The following ROM1 variants were observed in gnomAD, a reference collection of about 807,000 sequenced individuals.
ROM1 encodes retinal outer segment membrane protein 1, also known as rod outer segment membrane protein 1.
A neutral mutation model predicts 23.0 loss-of-function variants in ROM1; 17 were observed. The ratio of observed to expected loss-of-function variants is 0.74; its 90% CI spans 0.51 to 1.11. The LOEUF (loss-of-function observed/expected upper bound fraction) is 1.11. Among genes scored for constraint, ROM1 ranks in the 50% least tolerant of loss-of-function variants. The pLI is 0.00. For missense variants in ROM1, 436 were observed against 439.7 expected (o/e 0.99, Z 0.08); for synonymous variants, 200 against 206.5 (o/e 0.97, Z 0.27).
Position 62,613,614 on chromosome 11 carries a change from G to C in ROM1, c.333G>C (p.Gly111=), listed in dbSNP as rs150065017. The change falls in exon 1 of 3, where the codon GGG becomes GGC. Residue 111 remains glycine (G), a synonymous_variant. Transcript: ENST00000278833. Reference sequence around the variant, plus strand: ...TGCTGGTGGCTGGCACGGCTGGTGGGGGGGGGCTCCTGGTCGTCGGCCTCG... The same window carrying C: ...TGCTGGTGGCTGGCACGGCTGGTGGCGGGGGGCTCCTGGTCGTCGGCCTCG... ...GPLLVAGTAG[G]GGLLVVGLGL... is the part of the protein sequence containing the mutation. 4.3e-6 allele frequency: 7 copies of C among 1,612,232 alleles called. No homozygotes were observed. The highest frequency in any genetic ancestry group is 2.2e-5 in the East Asian group (1 of 44,876).
In ROM1 at chr11:62,614,179, C is replaced by T; in HGVS notation, c.591-79C>T. ...AATGTTTTACTATTCTTTTTCCCTT[C>T]TGAACACCTGTGCCCTTCAGTCCCT... On this transcript the variant is annotated intron_variant, in intron 1 of 2. Coordinates refer to ENST00000278833, the MANE Select transcript of ROM1 (RefSeq NM_000327.4). 3.2e-6 allele frequency: 5 copies of T among 1,539,060 alleles called. No homozygotes were observed. The South Asian group carries it at 5.6e-5, about 17-fold the overall frequency.
In ROM1 at chr11:62,613,266, TG is replaced by T; in HGVS notation, c.-13del. On this transcript the variant is annotated 5_prime_UTR_variant, in exon 1 of 3. Coordinates refer to ENST00000278833, the MANE Select transcript of ROM1 (RefSeq NM_000327.4). ...CATCCCTGACACCTCTGCATTCCCT[TG>T]GGCAGAGATGGGAGATGGCGCCGGT... 2 of 1,582,838 alleles carry T rather than the reference TG, an allele frequency of 1.3e-6. No individual in the cohort carries two copies. Among genetic ancestry groups the T allele is most frequent in the South Asian group, 1.1e-5 (1 of 87,354 alleles).
At chr11:62,614,527 ACCT>A (rs1182885996) in intron 2 of ROM1, 23 bp downstream of exon 2, 1 of 1,613,508 alleles carries the variant, frequency 6.2e-7, no homozygotes, top group East Asian at 2.2e-5. Context: ...AGCATCTGAC[ACCT>A]CCTCCCACCC....
Position 62,614,997 on chromosome 11 carries a change from G to C in ROM1, c.*158G>C. 1 of 640,076 alleles carries C rather than the reference G, an allele frequency of 1.6e-6. No homozygotes were observed. Among genetic ancestry groups the C allele is most frequent in the Non-Finnish European group, 2.7e-6 (1 of 367,654 alleles). The allele number at this position is 640,076 out of a possible 1,614,324, so 39.6% of individuals were successfully genotyped here. ...GTAAGAAAGAAAACCAGATGTCCTA[G>C]GGCCTAGCCCTTGTAGTCAGAACCA... On this transcript the variant is annotated 3_prime_UTR_variant, in exon 3 of 3. Coordinates refer to ENST00000278833, the MANE Select transcript of ROM1 (RefSeq NM_000327.4).
At position 62,613,660 on chromosome 11, in the gene ROM1, G is replaced by A. The variant is rs752367945; in HGVS notation, c.379G>A (p.Gly127Arg). 7 of 1,613,938 alleles carry A rather than the reference G, an allele frequency of 4.3e-6. No individual in the cohort carries two copies. The South Asian group carries it at 4.4e-5, about 10-fold the overall frequency. ...CCTCGGGCTAGCCCTGGCTTTGCCT[G>A]GGAGTCTGGATGAGGCGCTGGAGGA... ...VGLGLALALPGSLDEALEEGL... is the reference protein window; with the variant it reads ...VGLGLALALPRSLDEALEEGL... Residue 127 changes from glycine (G) to arginine (R), a missense_variant, in exon 1 of 3, where the codon GGG becomes AGG. Coordinates refer to ENST00000278833, the MANE Select transcript of ROM1 (RefSeq NM_000327.4).
chr11:62,614,509 G>A lies in ROM1; in HGVS notation c.837+5G>A. On this transcript the variant is annotated splice_donor_5th_base_variant and intron_variant, in intron 2 of 2. Transcript: ENST00000278833. ...GCTGTCACCTTCCTACTGCAGGTGA[G>A]TCAGCAAAGCATCTGACACCTCCTC... The A allele has an allele frequency of 1.2e-6, 2 of 1,614,156 alleles. No homozygotes were observed. Among genetic ancestry groups the A allele is most frequent in the East Asian group, 2.2e-5 (1 of 44,880 alleles).
Position 62,613,632 on chromosome 11 carries a change from C to T in ROM1, c.351C>T (p.Val117=), listed in dbSNP as rs769168804. 5 of 1,613,234 alleles carry T rather than the reference C, an allele frequency of 3.1e-6. No homozygotes were observed. The highest frequency in any genetic ancestry group is 2.2e-5 in the East Asian group (1 of 44,816). The change falls in exon 1 of 3, where the codon GTC becomes GTT. Residue 117 remains valine (V), a synonymous_variant. Coordinates refer to ENST00000278833, the MANE Select transcript of ROM1 (RefSeq NM_000327.4). ...CTGGTGGGGGGGGGCTCCTGGTCGT[C>T]GGCCTCGGGCTAGCCCTGGCTTTGC... ...GTAGGGGLLV[V]GLGLALALPG...
intron 2 of ROM1, 33 bp from the exon 3 acceptor site, chr11:62,614,588 C>G: frequency 6.2e-7 from 1 of 1,614,184 alleles, no homozygotes; most frequent in Non-Finnish European, 8.5e-7. Flanking sequence ...ACCGCTGACT[C>G]TCCCTGACTC....
chr11:62,614,093 T>G (rs539309796), intron 1 of ROM1, among the ~76,000 whole-genome samples, 165 bp from the exon 2 acceptor site: 4 of 152,282 alleles, frequency 2.6e-5, no homozygotes, highest in East Asian at 1.9e-4. Flanking sequence ...AGTACTTATC[T>G]GATAGAGTTG....
chr11:62,615,096 CAAT>C lies in ROM1; in HGVS notation c.*260_*262del, dbSNP rs1183945263. The C allele has an allele frequency of 1.9e-6, 1 of 522,274 alleles. No homozygotes were observed. 32.4% of individuals were successfully genotyped at this position (522,274 alleles called of 1,614,324 possible). Reference sequence around the variant, plus strand: ...CTGGAGGCTGATTCTGATATAGACTCAATAAAGTTTTTGGATGGAAGCAATTGC... The same window carrying C: ...CTGGAGGCTGATTCTGATATAGACTCAAAGTTTTTGGATGGAAGCAATTGC... On this transcript the variant is annotated 3_prime_UTR_variant, in exon 3 of 3. Transcript: ENST00000278833.
At position 62,614,978 on chromosome 11, in the gene ROM1, A is replaced by C. The variant is rs1396727301; in HGVS notation, c.*139A>C. 1.6e-5 allele frequency: 11 copies of C among 704,572 alleles called. No homozygotes were observed. Among genetic ancestry groups the C allele is most frequent in the Non-Finnish European group, 2.2e-5 (9 of 416,828 alleles). 43.6% of individuals were successfully genotyped at this position (704,572 alleles called of 1,614,324 possible). The stretch of plus-strand genomic sequence containing the variant: ...GTCAGCGAGCTGGACTGGGGTAAGA[A>C]AGAAAACCAGATGTCCTAGGGCCTA... On this transcript the variant is annotated 3_prime_UTR_variant, in exon 3 of 3. Transcript: ENST00000278833.
rs1452408260 is a variant in ROM1 at position 62,614,925 on chromosome 11, G to T, written c.*86G>T. 6.9e-6 allele frequency: 8 copies of T among 1,162,814 alleles called. No homozygotes were observed. The highest frequency in any genetic ancestry group is 1.3e-5 in the South Asian group (1 of 78,498). 72.0% of individuals were successfully genotyped at this position (1,162,814 alleles called of 1,614,324 possible). On this transcript the variant is annotated 3_prime_UTR_variant, in exon 3 of 3. Transcript: ENST00000278833. ...CCTTACCAAGGCTCCAGGTTGGGGG[G>T]ATCGTAGGATTAGAGGGGCTAAGGA... is the stretch of plus-strand genomic sequence containing the variant.
rs376984372 is a variant in ROM1 at position 62,613,476 on chromosome 11, T to C, written c.195T>C (p.Ala65=). The part of the protein sequence containing the change: ...PSCQFPVLPQ[A]ALAAGAVALG... ...GTCAGTTCCCTGTCCTGCCCCAGGC[T>C]GCCCTGGCAGCGGGCGCGGTGGCTC... Residue 65 remains alanine (A), a synonymous_variant, in exon 1 of 3, where the codon GCT becomes GCC. Coordinates refer to ENST00000278833, the MANE Select transcript of ROM1 (RefSeq NM_000327.4). The C allele has an allele frequency of 3.1e-5, 50 of 1,613,384 alleles. 1 individual carries two copies. The highest frequency in any genetic ancestry group is 8.5e-6 in the Non-Finnish European group (10 of 1,179,692).
In ROM1 at chr11:62,613,287, G is replaced by T. The variant is rs755373446; in HGVS notation, c.6G>T (p.Ala2=). The change falls in exon 1 of 3, where the codon GCG becomes GCT. Residue 2 remains alanine (A), a synonymous_variant. Coordinates refer to ENST00000278833, the MANE Select transcript of ROM1 (RefSeq NM_000327.4). M[A]PVLPLVLPLQ... ...CCCTTGGGCAGAGATGGGAGATGGC[G>T]CCGGTGTTGCCCCTGGTGCTGCCCC... 6.2e-7 allele frequency: 1 copy of T among 1,602,276 alleles called. No individual in the cohort carries two copies.
In ROM1 at chr11:62,613,557, A is replaced by T; in HGVS notation, c.276A>T (p.Leu92=). The change falls in exon 1 of 3, where the codon CTA becomes CTT. Residue 92 remains leucine (L), a synonymous_variant. Transcript: ENST00000278833. ...GASRASLNAA[L]YPPWRGVLGP... Reference sequence around the variant, plus strand: ...GCCGGGCAAGTCTGAATGCAGCTCTATACCCTCCCTGGCGAGGGGTCCTGG... The same window carrying T: ...GCCGGGCAAGTCTGAATGCAGCTCTTTACCCTCCCTGGCGAGGGGTCCTGG... The T allele has an allele frequency of 1.9e-6, 3 of 1,613,722 alleles. No individual in the cohort carries two copies. Among genetic ancestry groups the T allele is most frequent in the Non-Finnish European group, 2.5e-6 (3 of 1,179,842 alleles).
rs765535820 is a variant in ROM1 at position 62,613,535 on chromosome 11, G to A, written c.254G>A (p.Arg85Gln). The stretch of plus-strand genomic sequence containing the variant: ...GGACTAGTGGGTGTAGGAGCCAGCC[G>A]GGCAAGTCTGAATGCAGCTCTATAC... ...GTGLVGVGAS[R>Q]ASLNAALYPP... Residue 85 changes from arginine to glutamine, a missense_variant, in exon 1 of 3, where the codon CGG (arginine) becomes CAG (glutamine). Coordinates refer to ENST00000278833, the MANE Select transcript of ROM1 (RefSeq NM_000327.4). 9 of 1,613,750 alleles carry A rather than the reference G, an allele frequency of 5.6e-6. No individual in the cohort carries two copies. The highest frequency in any genetic ancestry group is 1.6e-4 in the Middle Eastern group (1 of 6,076).
chr11:62,613,950 G>A lies in ROM1; in HGVS notation c.590+79G>A, dbSNP rs566705959. The A allele has an allele frequency of 2.3e-5, 37 of 1,600,194 alleles. 1 individual carries two copies. In the East Asian group the frequency reaches 2.9e-4, roughly 13 times the overall value. ...TCCTGCTGCCTTGAATCCCCACCTC[G>A]CTCAGAGGGGCAATAAGTAGAACAT... On this transcript the variant is annotated intron_variant, in intron 1 of 2. Coordinates refer to ENST00000278833, the MANE Select transcript of ROM1 (RefSeq NM_000327.4).
In ROM1 at chr11:62,613,461, T is replaced by C; in HGVS notation, c.180T>C (p.Pro60=). 1 of 1,613,016 alleles carries C rather than the reference T, an allele frequency of 6.2e-7. No homozygotes were observed. The highest frequency in any genetic ancestry group is 8.5e-7 in the Non-Finnish European group (1 of 1,179,528). ...GTFLAPSCQF[P]VLPQAALAAG... is the part of the protein sequence containing the mutation. ...TCCTGGCTCCCTCCTGTCAGTTCCC[T>C]GTCCTGCCCCAGGCTGCCCTGGCAG... Residue 60 remains proline (P), a synonymous_variant, in exon 1 of 3, where the codon CCT becomes CCC. Coordinates refer to ENST00000278833, the MANE Select transcript of ROM1 (RefSeq NM_000327.4).
Position 62,613,503 on chromosome 11 carries a change from G to C in ROM1, c.222G>C (p.Leu74=). 6.2e-7 allele frequency: 1 copy of C among 1,613,804 alleles called. No individual in the cohort carries two copies. The highest frequency in any genetic ancestry group is 8.5e-7 in the Non-Finnish European group (1 of 1,179,846). The change falls in exon 1 of 3, where the codon CTG becomes CTC. Residue 74 remains leucine (L), a synonymous_variant. Coordinates refer to ENST00000278833, the MANE Select transcript of ROM1 (RefSeq NM_000327.4). ...QAALAAGAVA[L]GTGLVGVGAS... ...CCCTGGCAGCGGGCGCGGTGGCTCT[G>C]GGCACAGGACTAGTGGGTGTAGGAG...
Sources: gnomAD v4.1 joint callset for allele counts (sites outside exome capture counted in the v4.1 genomes callset) on GRCh38, gnomAD v4.1.1 for gene constraint, MANE v1.5 for transcripts, NCBI Gene and HGNC (gene_info 2026-07-23, HGNC 2026-07-21) for gene names.